DOCK3: variants seen among roughly 807,000 people sequenced by gnomAD.
DOCK3 encodes the protein dedicator of cytokinesis 3, also known as dedicator of cytokinesis protein 3.
DOCK3 carries 60 observed loss-of-function variants against 265.6 expected under a neutral mutation model. The observed-to-expected ratio is 0.23, with a 90% CI of 0.18 to 0.28. DOCK3 has a LOEUF of 0.28. Among genes scored for constraint, DOCK3 ranks in the 10% least tolerant of loss-of-function variants. The probability of loss-of-function intolerance (pLI) is 1.00; values close to 1 mark genes in which losing one functional copy is unlikely to be tolerated. For synonymous variants in DOCK3, 881 were observed against 938.0 expected (o/e 0.94, Z 1.11); for missense variants, 1,981 against 2,594.3 (o/e 0.76, Z 5.14).
At chr3:50,858,801 T>G (rs1436670496) in intron 3 of DOCK3, among the ~76,000 whole-genome samples, 1 of 152,204 alleles carries the variant, frequency 6.6e-6, no homozygotes. Flanking sequence ...ATTCATAGAT[T>G]TGGCCTCTTT....
intron 2 of DOCK3, among the ~76,000 whole-genome samples, chr3:50,838,870 A>G (rs1440637695): frequency 1.3e-5 from 2 of 152,128 alleles, no homozygotes; most frequent in Non-Finnish European, 2.9e-5. Context: ...TTAGTCATGG[A>G]ACGGATACAT....
At chr3:51,249,101 G>T (rs1268316125) in intron 22 of DOCK3, among the ~76,000 whole-genome samples, 11 of 127,474 alleles carry the variant, frequency 8.6e-5, no homozygotes, top group African/African-American at 2.8e-4. Context: ...GGAGGGAGGT[G>T]GGGGGGGTCA....
intron 5 of DOCK3, among the ~76,000 whole-genome samples, chr3:51,046,323 A>G (rs1372539810): frequency 6.6e-6 from 1 of 152,184 alleles, no homozygotes; most frequent in Non-Finnish European, 1.5e-5. Context: ...AACAAGATCT[A>G]ATTATATGTT....
chr3:51,356,165 C>T lies in DOCK3; in HGVS notation c.4326C>T (p.Val1442=), dbSNP rs1407416974. 1 of 1,613,990 alleles carries T rather than the reference C, an allele frequency of 6.2e-7. No individual in the cohort carries two copies. The change falls in exon 42 of 53, where the codon GTC becomes GTT. Residue 1442 remains valine (V), a synonymous_variant. Transcript: ENST00000266037. The stretch of plus-strand genomic sequence containing the variant: ...AGATGGATAGGGTACCAGATCGAGT[C>T]AAGAGCTTCTATCGCGTCAACAATG... ...VLQMDRVPDR[V]KSFYRVNNVR...
chr3:50,774,600 T>C (rs1194396383), intron 1 of DOCK3, among the ~76,000 whole-genome samples: 1 of 152,048 alleles, frequency 6.6e-6, no homozygotes, highest in Non-Finnish European at 1.5e-5. Context: ...TATGTCTATA[T>C]TCTTTTGGAT....
At chr3:51,159,466 T>A (rs933999343) in intron 11 of DOCK3, among the ~76,000 whole-genome samples, 162 bp downstream of exon 11, 1 of 152,186 alleles carries the variant, frequency 6.6e-6, no homozygotes, top group Admixed American at 6.5e-5. Context: ...TCAACTGCTA[T>A]GGTAGCTTGG....
intron 14 of DOCK3, among the ~76,000 whole-genome samples, chr3:51,220,814 A>G (rs2090062693): frequency 6.6e-6 from 1 of 151,464 alleles, no homozygotes; most frequent in Non-Finnish European, 1.5e-5. Flanking sequence ...AAGAACTCAT[A>G]TCAGATTTTG....
chr3:51,321,332 A>G (rs2083712806), intron 32 of DOCK3, among the ~76,000 whole-genome samples: 1 of 152,186 alleles, frequency 6.6e-6, no homozygotes, highest in Non-Finnish European at 1.5e-5. Flanking sequence ...GGTCACAAAT[A>G]TCAAAGACCA....
intron 5 of DOCK3, among the ~76,000 whole-genome samples, chr3:50,949,872 T>A (rs2076542695): frequency 6.6e-6 from 1 of 152,144 alleles, no homozygotes; most frequent in East Asian, 1.9e-4. Flanking sequence ...AGGAAATATC[T>A]TTTGGCTTTG....
chr3:51,147,172 G>A (rs1450344207), intron 10 of DOCK3, among the ~76,000 whole-genome samples: 1 of 151,904 alleles, frequency 6.6e-6, no homozygotes, highest in Non-Finnish European at 1.5e-5. Context: ...TCTTATCCAA[G>A]GCCACTGGGA....
At chr3:50,690,520 G>A (rs1162430151) in intron 1 of DOCK3, among the ~76,000 whole-genome samples, 4 of 151,838 alleles carry the variant, frequency 2.6e-5, no homozygotes, top group South Asian at 2.1e-4. Context: ...GAATTTTTTC[G>A]TCATCCCATA....
chr3:51,125,117 A>G (rs1234432115), intron 9 of DOCK3, among the ~76,000 whole-genome samples: 2 of 152,102 alleles, frequency 1.3e-5, no homozygotes, highest in African/African-American at 4.8e-5. Flanking sequence ...CTGAGACTCC[A>G]TTTCAAATAT....
At chr3:50,905,411 A>G (rs2049434560) in intron 4 of DOCK3, among the ~76,000 whole-genome samples, 1 of 151,920 alleles carries the variant, frequency 6.6e-6, no homozygotes, top group Non-Finnish European at 1.5e-5. Flanking sequence ...ATGTTCTTCC[A>G]TTTGTTTGTG....
chr3:51,323,822 A>T (rs1442217242), intron 32 of DOCK3, among the ~76,000 whole-genome samples: 1 of 152,226 alleles, frequency 6.6e-6, no homozygotes, highest in Non-Finnish European at 1.5e-5. Flanking sequence ...GAAGACAAGA[A>T]ATAACTAAGA....
chr3:51,319,350 T>G (rs1420085398), intron 32 of DOCK3, among the ~76,000 whole-genome samples: 1 of 151,714 alleles, frequency 6.6e-6, no homozygotes, highest in Non-Finnish European at 1.5e-5. Flanking sequence ...TTTTCTGTAT[T>G]GTTACAACTT....
intron 1 of DOCK3, among the ~76,000 whole-genome samples, chr3:50,742,264 C>G (rs1369101028): frequency 6.6e-6 from 1 of 152,136 alleles, no homozygotes; most frequent in African/African-American, 2.4e-5. Flanking sequence ...AGCAGAAAAA[C>G]TGGAAACTCT....
intron 14 of DOCK3, among the ~76,000 whole-genome samples, chr3:51,220,709 G>GTGTGTGTGTATATATATA (rs1208536854): frequency 7.6e-6 from 1 of 132,388 alleles, no homozygotes; most frequent in African/African-American, 3.0e-5. Context: ...GTGTGTGTGT[G>GTGTGTGTGTATATATATA]TATATATATA....
intron 12 of DOCK3, among the ~76,000 whole-genome samples, chr3:51,172,199 A>G (rs2086715892): frequency 6.8e-6 from 1 of 146,114 alleles, no homozygotes; most frequent in East Asian, 2.0e-4. Flanking sequence ...TTTTTGAGAC[A>G]TAGTCTTGCT....
chr3:51,060,870 AAAC>A (rs1384973210), intron 5 of DOCK3, among the ~76,000 whole-genome samples: 8 of 152,212 alleles, frequency 5.3e-5, no homozygotes, highest in Non-Finnish European at 1.0e-4. Context: ...TACAAGAAAA[AAAC>A]AAACAACCCT....
Sources: allele counts gnomAD v4.1 joint callset (sites outside exome capture counted in the v4.1 genomes callset), GRCh38; gene constraint gnomAD v4.1.1; transcripts MANE v1.5; gene names NCBI Gene and HGNC (gene_info 2026-07-23, HGNC 2026-07-21).